GPC5: variants seen among roughly 807,000 people sequenced by gnomAD.
GPC5 encodes the protein glypican 5, also known as glypican-5.
GPC5 carries 47 observed loss-of-function variants against 53.9 expected under a neutral mutation model. That is an observed-to-expected ratio of 0.87 (90% CI 0.69 to 1.11). The LOEUF (loss-of-function observed/expected upper bound fraction) is 1.11, where lower values mean the gene tolerates loss of function less well. GPC5 is among the 50% of genes most tolerant of loss of function. GPC5 has a pLI of 0.00. For synonymous variants in GPC5, 286 were observed against 263.3 expected, an observed-to-expected ratio of 1.09 and a Z score of -0.84; for missense variants, 748 against 713.1, an observed-to-expected ratio of 1.05 and a Z score of -0.56.
chr13:92,481,051 C>T (rs1210593500), intron 7 of GPC5, among the ~76,000 whole-genome samples: 1 of 152,096 alleles, frequency 6.6e-6, no homozygotes, highest in Non-Finnish European at 1.5e-5. Context: ...GTGGGTTCTA[C>T]TTCAGGCTTC....
chr13:92,452,631 G>T (rs948279280), intron 7 of GPC5, among the ~76,000 whole-genome samples: 1 of 151,852 alleles, frequency 6.6e-6, no homozygotes, highest in African/African-American at 2.4e-5. Flanking sequence ...GCAGTGGCGC[G>T]ATCTCAGCTC....
intron 6 of GPC5, among the ~76,000 whole-genome samples, chr13:92,028,760 TG>T (rs1041131243): frequency 3.3e-5 from 5 of 152,156 alleles, no homozygotes; most frequent in African/African-American, 1.2e-4. Context: ...TAGAGAGGAA[TG>T]GGAAAAACAG....
chr13:91,556,092 G>T (rs994128419), intron 2 of GPC5, among the ~76,000 whole-genome samples: 1 of 151,704 alleles, frequency 6.6e-6, no homozygotes, highest in Admixed American at 6.6e-5. Context: ...CACCACTTCT[G>T]ACCCCTGGCA....
chr13:92,737,892 G>A (rs1888982920), intron 7 of GPC5, among the ~76,000 whole-genome samples: 1 of 149,184 alleles, frequency 6.7e-6, no homozygotes, highest in Non-Finnish European at 1.5e-5. Flanking sequence ...TCAGCCTGCT[G>A]TGTAGCTGGC....
At chr13:92,745,330 G>A (rs527468432) in intron 7 of GPC5, among the ~76,000 whole-genome samples, 52 of 152,030 alleles carry the variant, frequency 3.4e-4, no homozygotes, top group African/African-American at 1.2e-3. Context: ...CAACACACTG[G>A]GTGCATTTCT....
At chr13:92,702,232 C>A (rs1291275017) in intron 7 of GPC5, among the ~76,000 whole-genome samples, 1 of 152,134 alleles carries the variant, frequency 6.6e-6, no homozygotes, top group Non-Finnish European at 1.5e-5. Flanking sequence ...TCTACACTCA[C>A]ATCCTGAATG....
chr13:92,352,676 A>G (rs1002872338), intron 7 of GPC5, among the ~76,000 whole-genome samples: 7 of 152,296 alleles, frequency 4.6e-5, no homozygotes, highest in Non-Finnish European at 8.8e-5. Context: ...CTATTGTATC[A>G]CCAAGAATAT....
chr13:91,809,684 C>T (rs2138800294), intron 5 of GPC5, among the ~76,000 whole-genome samples: 1 of 152,012 alleles, frequency 6.6e-6, no homozygotes, highest in East Asian at 1.9e-4. Flanking sequence ...CATAAAACTC[C>T]CATCTCCTGC....
At chr13:92,611,497 A>G (rs1278461296) in intron 7 of GPC5, among the ~76,000 whole-genome samples, 1 of 152,326 alleles carries the variant, frequency 6.6e-6, no homozygotes, top group African/African-American at 2.4e-5. Flanking sequence ...TAATGTATTC[A>G]AAGTATTTTC....
At chr13:91,974,711 T>C (rs2040280826) in intron 6 of GPC5, among the ~76,000 whole-genome samples, 1 of 152,124 alleles carries the variant, frequency 6.6e-6, no homozygotes, top group Non-Finnish European at 1.5e-5. Context: ...AATTTATAGA[T>C]TCAATGCCAT....
At chr13:92,547,790 T>G (rs571770083) in intron 7 of GPC5, among the ~76,000 whole-genome samples, 153 of 148,408 alleles carry the variant, frequency 1.0e-3, no homozygotes, top group Non-Finnish European at 1.9e-3. Flanking sequence ...CATCAAAAAT[T>G]AAAAAGAAAA....
intron 4 of GPC5, among the ~76,000 whole-genome samples, chr13:91,747,482 G>T (rs1177074893): frequency 6.6e-6 from 1 of 152,178 alleles, no homozygotes; most frequent in East Asian, 1.9e-4. Flanking sequence ...TTACTCTGTT[G>T]CACAGTGTAC....
intron 7 of GPC5, among the ~76,000 whole-genome samples, chr13:92,633,297 A>G (rs1254480157): frequency 6.6e-6 from 1 of 152,082 alleles, no homozygotes; most frequent in African/African-American, 2.4e-5. Context: ...GTGGAGACAC[A>G]CCCAAACGGT....
intron 6 of GPC5, among the ~76,000 whole-genome samples, chr13:91,959,057 AACACACACACACACACACAC>A (rs147785443): frequency 4.7e-5 from 6 of 127,652 alleles, no homozygotes; most frequent in South Asian, 2.8e-4. Context: ...GAATGGAGAC[AACACACACACACACACACAC>A]ACACACACAC....
intron 7 of GPC5, among the ~76,000 whole-genome samples, chr13:92,327,113 C>T (rs939318352): frequency 6.6e-6 from 1 of 152,140 alleles, no homozygotes; most frequent in Non-Finnish European, 1.5e-5. Context: ...TTTACAAAAT[C>T]TTGTTAATGA....
chr13:92,229,962 CTAAT>C (rs1481858073), intron 7 of GPC5, among the ~76,000 whole-genome samples: 1 of 151,994 alleles, frequency 6.6e-6, no homozygotes, highest in Non-Finnish European at 1.5e-5. Flanking sequence ...TTATTAAAAT[CTAAT>C]TATTAGCTTT....
intron 2 of GPC5, among the ~76,000 whole-genome samples, chr13:91,578,279 C>T (rs2139068770): frequency 6.6e-6 from 1 of 152,308 alleles, no homozygotes; most frequent in East Asian, 1.9e-4. Context: ...AGTCTAGAAC[C>T]ATGTAGCAAA....
chr13:92,822,589 A>G (rs1877709704), intron 7 of GPC5, among the ~76,000 whole-genome samples: 2 of 152,164 alleles, frequency 1.3e-5, no homozygotes, highest in African/African-American at 2.4e-5. Flanking sequence ...CTGCAACCCC[A>G]GAGTGATTTC....
intron 1 of GPC5, among the ~76,000 whole-genome samples, chr13:91,408,986 C>T (rs942422272): frequency 1.3e-5 from 2 of 152,146 alleles, no homozygotes; most frequent in Admixed American, 1.3e-4. Context: ...AGTGTGTCTT[C>T]ATTGATTAAA....
Sources: gnomAD v4.1 joint callset for allele counts (sites outside exome capture counted in the v4.1 genomes callset) on GRCh38, gnomAD v4.1.1 for gene constraint, MANE v1.5 for transcripts, NCBI Gene and HGNC (gene_info 2026-07-23, HGNC 2026-07-21) for gene names.